The following NRF1 variants were observed in gnomAD, a reference collection of about 807,000 sequenced individuals.
NRF1 encodes nuclear respiratory factor 1.
In NRF1, 5 loss-of-function variants were observed where a neutral mutation model predicts 58.5. That is an observed-to-expected ratio of 0.09 (90% confidence interval 0.04 to 0.18). NRF1 has a LOEUF of 0.18. NRF1 is among the 10% of genes least tolerant of loss of function. NRF1 has a pLI of 1.00. For missense variants in NRF1, 288 were observed against 657.7 expected (o/e 0.44, Z 6.15); for synonymous variants, 224 against 246.7 (o/e 0.91, Z 0.86).
chr7:129,700,855 G>A (rs1256888697), intron 5 of NRF1, among the ~76,000 whole-genome samples: 1 of 152,100 alleles, frequency 6.6e-6, no homozygotes, highest in Non-Finnish European at 1.5e-5. Flanking sequence ...GTTCAAGGCT[G>A]CAGTGAGCCA....
At chr7:129,746,393 C>G (rs752492465) in intron 10 of NRF1, among the ~76,000 whole-genome samples, 3 of 152,140 alleles carry the variant, frequency 2.0e-5, no homozygotes, top group Non-Finnish European at 4.4e-5. Flanking sequence ...TATTCTCAGC[C>G]TGTCTAACTG....
In NRF1 at chr7:129,614,219, G is replaced by A. The variant is rs181034513; in HGVS notation, c.-7+2395G>A. Among the ~76,000 whole-genome samples the A allele has an allele frequency of 3.2e-4, 49 of 152,204 alleles. 1 individual carries two copies. The highest frequency in any genetic ancestry group is 2.7e-3 in the Admixed American group (41 of 15,300). ...CAACATCTGCCTCCTGGGTTCAAGC[G>A]ATTCTTCGGCCTCAGCCTCCCGAGT... On this transcript the variant is annotated intron_variant, in intron 1 of 10. Transcript: ENST00000393232.
At chr7:129,744,827 G>C (rs1803934637) in intron 10 of NRF1, among the ~76,000 whole-genome samples, 2 of 152,054 alleles carry the variant, frequency 1.3e-5, no homozygotes, top group Admixed American at 6.6e-5. Flanking sequence ...GTGCTCTACA[G>C]ATTATGCTGA....
At chr7:129,661,409 T>C (rs1474892054) in intron 2 of NRF1, among the ~76,000 whole-genome samples, 1 of 151,216 alleles carries the variant, frequency 6.6e-6, no homozygotes, top group East Asian at 1.9e-4. Flanking sequence ...TTTCCAAACT[T>C]TCATGTTTTC....
intron 2 of NRF1, among the ~76,000 whole-genome samples, chr7:129,670,151 C>T (rs989781313): frequency 8.5e-5 from 13 of 152,130 alleles, no homozygotes; most frequent in Admixed American, 7.9e-4. Flanking sequence ...GTCATAGAAA[C>T]AGAGGAGAAT....
intron 10 of NRF1, among the ~76,000 whole-genome samples, chr7:129,731,754 C>T (rs1026507669): frequency 2.6e-5 from 4 of 152,042 alleles, no homozygotes; most frequent in African/African-American, 7.3e-5. Flanking sequence ...CACAGGTGCG[C>T]ACTGCCACAC....
intron 10 of NRF1, among the ~76,000 whole-genome samples, chr7:129,729,562 G>A (rs1331415663): frequency 1.3e-5 from 2 of 152,214 alleles, no homozygotes; most frequent in African/African-American, 2.4e-5. Flanking sequence ...CTTGAGTTGT[G>A]CCGTATCCCA....
chr7:129,722,563 C>T (rs917791842), intron 9 of NRF1, among the ~76,000 whole-genome samples: 6 of 152,138 alleles, frequency 3.9e-5, no homozygotes, highest in Non-Finnish European at 8.8e-5. Context: ...ATTAATCGTA[C>T]TGATCTGTCA....
intron 4 of NRF1, among the ~76,000 whole-genome samples, chr7:129,687,771 C>T (rs1451915344): frequency 6.6e-6 from 1 of 152,146 alleles, no homozygotes; most frequent in Non-Finnish European, 1.5e-5. Context: ...AGATGTATCC[C>T]AATTTCAGAA....
rs1391237240 is a variant in NRF1 at position 129,711,570 on chromosome 7, T to C, written c.1059T>C (p.Asp353=). 6.2e-7 allele frequency: 1 copy of C among 1,609,350 alleles called. No individual in the cohort carries two copies. Among genetic ancestry groups the C allele is most frequent in the Non-Finnish European group, 8.5e-7 (1 of 1,177,314 alleles). Residue 353 remains aspartate (D), a synonymous_variant, in exon 8 of 11, where the codon GAT becomes GAC. Transcript: ENST00000393232. ...AAGTGAATTATTCTGCCGTGGCTGATGGAGAGGTAAGAAAGAGATTCCATC... is the reference window on the plus strand; with the variant it reads ...AAGTGAATTATTCTGCCGTGGCTGACGGAGAGGTAAGAAAGAGATTCCATC... The part of the protein sequence containing the change: ...VAQVNYSAVA[D]GEVEQNWATL...
intron 1 of NRF1, among the ~76,000 whole-genome samples, chr7:129,628,813 T>TA (rs1472237865): frequency 6.6e-6 from 1 of 152,242 alleles, no homozygotes; most frequent in Admixed American, 6.5e-5. Context: ...TAACTACTCT[T>TA]ACATTAAAAC....
At chr7:129,700,497 A>G (rs1239788969) in intron 5 of NRF1, among the ~76,000 whole-genome samples, 1 of 152,226 alleles carries the variant, frequency 6.6e-6, no homozygotes, top group East Asian at 1.9e-4. Flanking sequence ...CACAATTCCA[A>G]ACTGCTTCTC....
chr7:129,675,677 T>G (rs1469950835), intron 3 of NRF1, among the ~76,000 whole-genome samples: 1 of 152,212 alleles, frequency 6.6e-6, no homozygotes, highest in Non-Finnish European at 1.5e-5. Flanking sequence ...TTTTTTTTTC[T>G]GAGCAGTGGG....
chr7:129,613,655 T>C (rs1230019482), intron 1 of NRF1, among the ~76,000 whole-genome samples: 1 of 152,034 alleles, frequency 6.6e-6, no homozygotes, highest in Non-Finnish European at 1.5e-5. Context: ...CCCAGCACTT[T>C]GGGAGGCCGA....
At chr7:129,625,298 A>G (rs1191114934) in intron 1 of NRF1, among the ~76,000 whole-genome samples, 1 of 152,124 alleles carries the variant, frequency 6.6e-6, no homozygotes, top group Non-Finnish European at 1.5e-5. Flanking sequence ...TACATCTCTA[A>G]GGACGCTTTC....
chr7:129,662,842 A>C (rs1264683080), intron 2 of NRF1, among the ~76,000 whole-genome samples: 2 of 152,024 alleles, frequency 1.3e-5, no homozygotes, highest in African/African-American at 2.4e-5. Context: ...TAGTGGAGAG[A>C]AGGTCAGCAG....
At chr7:129,675,384 A>G (rs1802152567) in intron 3 of NRF1, among the ~76,000 whole-genome samples, 1 of 152,246 alleles carries the variant, frequency 6.6e-6, no homozygotes, top group South Asian at 2.1e-4. Context: ...CACATGAATT[A>G]CAAGTACTCT....
At chr7:129,674,090 G>A (rs113032877) in intron 3 of NRF1, among the ~76,000 whole-genome samples, 21 of 151,956 alleles carry the variant, frequency 1.4e-4, no homozygotes, top group African/African-American at 4.6e-4. Flanking sequence ...GCAGTGAGCC[G>A]AGATCGCACC....
At chr7:129,714,303 T>C (rs1170108876) in intron 8 of NRF1, among the ~76,000 whole-genome samples, 1 of 152,212 alleles carries the variant, frequency 6.6e-6, no homozygotes, top group Non-Finnish European at 1.5e-5. Flanking sequence ...TAGTTGTAAC[T>C]AAAAGTATCT....
Sources: allele counts gnomAD v4.1 joint callset (sites outside exome capture counted in the v4.1 genomes callset), GRCh38; gene constraint gnomAD v4.1.1; transcripts MANE v1.5; gene names NCBI Gene and HGNC (gene_info 2026-07-23, HGNC 2026-07-21).